ABCC4: variants seen among roughly 807,000 people sequenced by gnomAD.
The protein encoded by ABCC4 is ATP binding cassette subfamily C member 4 (PEL blood group), also known as ATP-binding cassette sub-family C member 4.
A neutral mutation model predicts 168.5 loss-of-function variants in ABCC4; 102 were observed. The observed-to-expected ratio is 0.61, with a 90% confidence interval of 0.52 to 0.71. The LOEUF is 0.71. Among genes scored for constraint, ABCC4 ranks in the 30% least tolerant of loss-of-function variants. The pLI, the probability that ABCC4 is intolerant of heterozygous loss-of-function variation, is 0.00. For synonymous variants in ABCC4, 617 were observed against 590.7 expected (o/e 1.04, Z -0.65); for missense variants, 1,402 against 1,605.8 (o/e 0.87, Z 2.17).
In ABCC4 at chr13:95,188,561, A is replaced by C. The variant is rs1192320084; in HGVS notation, c.1264-19T>G. ...CTGATGCCTACAAATTAAAGTTTAT[A>C]AAATGTGCCCATTTCAATAAAGTCA... On this transcript the variant is annotated intron_variant, in intron 9 of 30. Transcript: ENST00000645237. 2 of 1,583,060 alleles carry C rather than the reference A, an allele frequency of 1.3e-6. No individual in the cohort carries two copies. Among genetic ancestry groups the C allele is most frequent in the African/African-American group, 1.3e-5 (1 of 74,076 alleles).
intron 3 of ABCC4, among the ~76,000 whole-genome samples, chr13:95,240,424 A>G (rs951058431): frequency 5.9e-5 from 9 of 151,932 alleles, no homozygotes; most frequent in Admixed American, 2.0e-4. Context: ...CCAGCTACTC[A>G]GGAGGCTGAG....
chr13:95,029,192 A>ATCTATC (rs1306385561), intron 30 of ABCC4, among the ~76,000 whole-genome samples: 10 of 49,860 alleles, frequency 2.0e-4, no homozygotes, highest in African/African-American at 5.9e-4. Flanking sequence ...ATATATATAT[A>ATCTATC]TATATATATA....
At chr13:95,030,194 T>A (rs1233061838) in intron 30 of ABCC4, among the ~76,000 whole-genome samples, 1 of 152,140 alleles carries the variant, frequency 6.6e-6, no homozygotes, top group Non-Finnish European at 1.5e-5. Flanking sequence ...CTAATTTTTT[T>A]ATTTTTAGTA....
chr13:95,151,850 T>C (rs1200658100), intron 19 of ABCC4, among the ~76,000 whole-genome samples: 1 of 152,208 alleles, frequency 6.6e-6, no homozygotes, highest in Non-Finnish European at 1.5e-5. Context: ...CCGACTTAGT[T>C]ACCACAAACT....
chr13:95,160,870 T>C (rs1171270250), intron 19 of ABCC4, among the ~76,000 whole-genome samples: 39 of 152,214 alleles, frequency 2.6e-4, no homozygotes, highest in Admixed American at 2.6e-3. Context: ...CATTTAAACA[T>C]GTTTACAGGG....
intron 26 of ABCC4, among the ~76,000 whole-genome samples, chr13:95,060,585 T>C (rs996157050): frequency 6.6e-6 from 1 of 152,230 alleles, no homozygotes; most frequent in Non-Finnish European, 1.5e-5. Context: ...AACCAAAATA[T>C]AAAACTTGAG....
At chr13:95,203,803 CCA>C (rs1272334389) in intron 8 of ABCC4, among the ~76,000 whole-genome samples, 6 of 152,096 alleles carry the variant, frequency 3.9e-5, no homozygotes, top group Non-Finnish European at 2.9e-5. Flanking sequence ...ATCCAGCTCC[CCA>C]GAGTTAAGGA....
chr13:95,182,572 T>C (rs548292136), intron 11 of ABCC4, among the ~76,000 whole-genome samples: 1 of 152,356 alleles, frequency 6.6e-6, no homozygotes, highest in Non-Finnish European at 1.5e-5. Flanking sequence ...TTACCCAAAA[T>C]TGGTGGCTCT....
intron 19 of ABCC4, among the ~76,000 whole-genome samples, chr13:95,140,395 A>G (rs997964600): frequency 6.6e-5 from 10 of 152,272 alleles, no homozygotes; most frequent in African/African-American, 2.2e-4. Context: ...TAAAATGGAC[A>G]GCAAACCATC....
intron 1 of ABCC4, among the ~76,000 whole-genome samples, chr13:95,261,316 G>A (rs1263240190): frequency 6.6e-6 from 1 of 152,058 alleles, no homozygotes; most frequent in Non-Finnish European, 1.5e-5. Flanking sequence ...GGGCGTGGTG[G>A]TGCGTGCCTG....
chr13:95,254,045 T>C (rs9590218), intron 1 of ABCC4, among the ~76,000 whole-genome samples: 40,422 of 151,732 alleles, frequency 0.27, 6,536 homozygotes, highest in East Asian at 0.5. Flanking sequence ...AGGCACGTGC[T>C]ACCATGCCCG....
In ABCC4 at chr13:95,261,074, T is replaced by C. The variant is rs550863922; in HGVS notation, c.75-13321A>G. Among the ~76,000 whole-genome samples the C allele has an allele frequency of 8.5e-5, 13 of 152,182 alleles. 1 individual carries two copies. The South Asian group carries it at 2.7e-3, about 32-fold the overall frequency. ...AAGAAAAACATCGCAACCCAAGTCA[T>C]CTTTTCAAAAACAATTTTGTAAATG... On this transcript the variant is annotated intron_variant, in intron 1 of 30. Coordinates refer to ENST00000645237, the MANE Select transcript of ABCC4 (RefSeq NM_005845.5).
At chr13:95,157,939 G>T (rs185738185) in intron 19 of ABCC4, among the ~76,000 whole-genome samples, 1 of 152,050 alleles carries the variant, frequency 6.6e-6, no homozygotes, top group South Asian at 2.1e-4. Context: ...GGGCGTGGTG[G>T]TGGGTGCCTG....
At chr13:95,263,394 C>T (rs2040584922) in intron 1 of ABCC4, among the ~76,000 whole-genome samples, 1 of 152,078 alleles carries the variant, frequency 6.6e-6, no homozygotes, top group Admixed American at 6.6e-5. Context: ...CAAGAACCAA[C>T]TGTATATGTA....
At chr13:95,280,244 C>T (rs533148549) in intron 1 of ABCC4, among the ~76,000 whole-genome samples, 1 of 151,936 alleles carries the variant, frequency 6.6e-6, no homozygotes, top group African/African-American at 2.4e-5. Flanking sequence ...AGTGAAACCC[C>T]ATCTCTACTA....
intron 20 of ABCC4, among the ~76,000 whole-genome samples, chr13:95,093,782 CT>C (rs1455457032): frequency 6.6e-6 from 1 of 151,854 alleles, no homozygotes; most frequent in Non-Finnish European, 1.5e-5. Flanking sequence ...CTAAAGACTC[CT>C]CCAGAAAGCT....
intron 8 of ABCC4, among the ~76,000 whole-genome samples, chr13:95,200,132 A>G (rs957815210): frequency 4.6e-5 from 7 of 152,242 alleles, no homozygotes; most frequent in African/African-American, 1.7e-4. Flanking sequence ...ACTTCTGTGC[A>G]TTGGCTTACC....
At chr13:95,288,560 C>T (rs894328251) in intron 1 of ABCC4, among the ~76,000 whole-genome samples, 1 of 152,126 alleles carries the variant, frequency 6.6e-6, no homozygotes, top group Non-Finnish European at 1.5e-5. Flanking sequence ...AATCCCAGCA[C>T]TTTGGGAGGC....
At chr13:95,293,010 G>A (rs984922581) in intron 1 of ABCC4, among the ~76,000 whole-genome samples, 1 of 152,124 alleles carries the variant, frequency 6.6e-6, no homozygotes, top group African/African-American at 2.4e-5. Flanking sequence ...ACGACATAGC[G>A]ACTGAGGGGT....
Sources: gnomAD v4.1 joint callset for allele counts (sites outside exome capture counted in the v4.1 genomes callset) on GRCh38, gnomAD v4.1.1 for gene constraint, MANE v1.5 for transcripts, NCBI Gene and HGNC (gene_info 2026-07-23, HGNC 2026-07-21) for gene names.